The following AHCTF1 variants were observed in gnomAD, a reference collection of about 807,000 sequenced individuals.
AHCTF1 encodes protein ELYS.
Under a neutral mutation model 248.4 loss-of-function variants are expected in AHCTF1, and 24 were observed. The observed-to-expected ratio is 0.10, with a 90% CI of 0.07 to 0.14. The LOEUF (loss-of-function observed/expected upper bound fraction) is 0.14. Ranked by LOEUF, AHCTF1 falls within the 10% of genes least tolerant of loss-of-function variation. The pLI is 1.00. For synonymous variants in AHCTF1, 786 were observed against 929.8 expected (o/e 0.85, Z 2.81); for missense variants, 2,206 against 2,636.2 (o/e 0.84, Z 3.57).
chr1:246,893,409 T>C (rs1664354299), intron 14 of AHCTF1, among the ~76,000 whole-genome samples: 1 of 152,232 alleles, frequency 6.6e-6, no homozygotes, highest in African/African-American at 2.4e-5. Flanking sequence ...TCAAATCATT[T>C]CAAAAGTCCA....
rs187393305 is a variant in AHCTF1, at chr1:246,884,363, C to T, written c.2660+1130G>A. ...GCCTGAAATTTGTAGATCTTACCCT[C>T]TTATCCGTAGAAGTACATGCTATTT... On this transcript the variant is annotated intron_variant, in intron 21 of 35. Coordinates refer to ENST00000648844, the MANE Select transcript of AHCTF1 (RefSeq NM_001323342.2). Among the ~76,000 whole-genome samples the T allele has an allele frequency of 1.8e-3, 276 of 152,200 alleles. 1 individual carries two copies. Among genetic ancestry groups the T allele is most frequent in the African/African-American group, 5.4e-3 (223 of 41,526 alleles).
At chr1:246,886,258 G>C (rs1176944882) in intron 20 of AHCTF1, among the ~76,000 whole-genome samples, 1 of 152,132 alleles carries the variant, frequency 6.6e-6, no homozygotes, top group African/African-American at 2.4e-5. Context: ...TTGAACCCAG[G>C]AGGCACAGGC....
At chr1:246,881,530 A>T (rs565989494) in intron 21 of AHCTF1, among the ~76,000 whole-genome samples, 8 of 152,196 alleles carry the variant, frequency 5.3e-5, no homozygotes, top group Admixed American at 1.3e-4. Context: ...TACCAAAAAA[A>T]TTTTTTTTAA....
At chr1:246,931,168 C>G (rs964699436) in intron 1 of AHCTF1, 84 of 1,550,272 alleles carry the variant, frequency 5.4e-5, no homozygotes, top group Admixed American at 1.4e-4. Context: ...CACGCCAACA[C>G]AGGACAGGCT....
At chr1:246,904,241 C>T (rs547443701) in intron 6 of AHCTF1, among the ~76,000 whole-genome samples, 17 of 152,238 alleles carry the variant, frequency 1.1e-4, no homozygotes, top group African/African-American at 3.9e-4. Context: ...TCAACTAAAT[C>T]GATGCTGTTT....
intron 31 of AHCTF1, among the ~76,000 whole-genome samples, chr1:246,855,407 C>G (rs1661042768): frequency 6.6e-6 from 1 of 152,146 alleles, no homozygotes; most frequent in Admixed American, 6.5e-5. Context: ...AAAAGTCAAC[C>G]TTGGCCTTAA....
At chr1:246,883,082 A>G (rs1035627982) in intron 21 of AHCTF1, among the ~76,000 whole-genome samples, 2 of 152,242 alleles carry the variant, frequency 1.3e-5, no homozygotes, top group African/African-American at 4.8e-5. Flanking sequence ...TCACTAACAT[A>G]AATTAATAGT....
chr1:246,839,140 T>C lies in AHCTF1; in HGVS notation c.*1666A>G, dbSNP rs1382479451. ...TTTATTCAAGCTATATAAAGACATT[T>C]ATACGTAAGTACATACATTCATTTA... On this transcript the variant is annotated 3_prime_UTR_variant, in exon 36 of 36. Transcript: ENST00000648844. 6.6e-6 allele frequency: 1 copy of C among 152,246 alleles called. No individual in the cohort carries two copies. Among genetic ancestry groups the C allele is most frequent in the Non-Finnish European group, 1.5e-5 (1 of 68,046 alleles). 9.4% of individuals were successfully genotyped at this position (152,246 alleles called of 1,614,324 possible).
intron 20 of AHCTF1, among the ~76,000 whole-genome samples, chr1:246,886,519 A>AT (rs1052923746): frequency 2.6e-5 from 4 of 152,188 alleles, no homozygotes; most frequent in Non-Finnish European, 4.4e-5. Flanking sequence ...TACCATGTAA[A>AT]TAATTGTTAT....
intron 3 of AHCTF1, among the ~76,000 whole-genome samples, chr1:246,914,807 C>G (rs1423161055): frequency 6.6e-6 from 1 of 152,194 alleles, no homozygotes; most frequent in African/African-American, 2.4e-5. Flanking sequence ...GCAACCAGTT[C>G]AGGAACCTTG....
intron 33 of AHCTF1, among the ~76,000 whole-genome samples, chr1:246,846,896 T>C (rs1660309209): frequency 6.6e-6 from 1 of 151,646 alleles, no homozygotes; most frequent in South Asian, 2.1e-4. Flanking sequence ...GGACTACAGG[T>C]GCAGCCACCA....
At chr1:246,890,498 G>C (rs1402117318) in intron 16 of AHCTF1, among the ~76,000 whole-genome samples, 2 of 152,042 alleles carry the variant, frequency 1.3e-5, no homozygotes, top group Non-Finnish European at 2.9e-5. Flanking sequence ...AACAAATATA[G>C]CACAAGTCAA....
At chr1:246,841,493 A>G (rs1659861156) in intron 35 of AHCTF1, among the ~76,000 whole-genome samples, 1 of 152,224 alleles carries the variant, frequency 6.6e-6, no homozygotes, top group Non-Finnish European at 1.5e-5. Context: ...AATAAAATGC[A>G]TTCACGTGTG....
intron 23 of AHCTF1, among the ~76,000 whole-genome samples, 173 bp downstream of exon 23, chr1:246,876,777 C>T (rs1662998870): frequency 6.6e-6 from 1 of 152,178 alleles, no homozygotes; most frequent in Non-Finnish European, 1.5e-5. Context: ...AAAAGAATTA[C>T]GTGGTAATAC....
At chr1:246,843,080 A>C (rs1259630853) in intron 34 of AHCTF1, among the ~76,000 whole-genome samples, 1 of 140,552 alleles carries the variant, frequency 7.1e-6, no homozygotes, top group Non-Finnish European at 1.5e-5. Context: ...ACTTTCTAAG[A>C]AGTAGACAAC....
chr1:246,846,345 G>GT (rs1345375509), intron 33 of AHCTF1, among the ~76,000 whole-genome samples: 1 of 151,846 alleles, frequency 6.6e-6, no homozygotes, highest in Admixed American at 6.6e-5. Context: ...AGAAAGTATG[G>GT]TAACAGTATA....
chr1:246,849,873 T>G lies in AHCTF1; in HGVS notation c.6133A>C (p.Lys2045Gln), dbSNP rs759803378. Reference protein sequence around the residue: ...NEELSMVMSSKKKLTKKTESQ... With the variant: ...NEELSMVMSSQKKLTKKTESQ... Reference sequence around the variant, plus strand: ...TCAGTCTTTTTTGTAAGTTTTTTCTTAGAGCTCATCACCATCGAAAGTTCC... The same window carrying G: ...TCAGTCTTTTTTGTAAGTTTTTTCTGAGAGCTCATCACCATCGAAAGTTCC... Residue 2045 changes from lysine to glutamine, a missense_variant, in exon 33 of 36, where the codon AAG becomes CAG. Physicochemically the swap from Lys to Gln is moderately conservative, Grantham distance 53. This residue lies in a region of AHCTF1 where 469 missense variants were observed against 470.0 expected (regional missense o/e 1.00). Transcript: ENST00000648844. The G allele has an allele frequency of 6.2e-7, 1 of 1,613,784 alleles. No individual in the cohort carries two copies. The highest frequency in any genetic ancestry group is 2.2e-5 in the East Asian group (1 of 44,894).
intron 24 of AHCTF1, among the ~76,000 whole-genome samples, chr1:246,870,269 C>T (rs1370925211): frequency 6.6e-6 from 1 of 152,050 alleles, no homozygotes; most frequent in Non-Finnish European, 1.5e-5. Context: ...CATAGTGAGG[C>T]CCTCTCTACA....
chr1:246,867,928 G>C, intron 24 of AHCTF1, 117 bp from the exon 25 acceptor site: 1 of 337,478 alleles, frequency 3.0e-6, no homozygotes, highest in Non-Finnish European at 4.6e-6. Context: ...CACATTACGT[G>C]GTAATACTAG....
Sources: allele counts gnomAD v4.1 joint callset (sites outside exome capture counted in the v4.1 genomes callset), GRCh38; gene constraint gnomAD v4.1.1; regional missense constraint gnomAD v4.1.1; transcripts MANE v1.5; gene names NCBI Gene and HGNC (gene_info 2026-07-23, HGNC 2026-07-21).